ABHD2: variants seen among roughly 807,000 people sequenced by gnomAD.
ABHD2 encodes monoacylglycerol lipase ABHD2.
A neutral mutation model predicts 48.1 loss-of-function variants in ABHD2; 20 were observed. The ratio of observed to expected loss-of-function variants is 0.42; its 90% CI spans 0.29 to 0.60. The LOEUF (loss-of-function observed/expected upper bound fraction) is 0.60. Among genes scored for constraint, ABHD2 ranks in the 20% least tolerant of loss-of-function variants. The probability of loss-of-function intolerance (pLI) is 0.24; values close to 1 mark genes in which losing one functional copy is unlikely to be tolerated. For synonymous variants in ABHD2, 209 were observed against 214.2 expected (o/e 0.98, Z 0.21); for missense variants, 405 against 550.9 (o/e 0.74, Z 2.65).
At chr15:89,193,904 G>T (rs191040051) in intron 10 of ABHD2, among the ~76,000 whole-genome samples, 179 of 139,116 alleles carry the variant, frequency 1.3e-3, no homozygotes, top group African/African-American at 4.7e-3. Context: ...CTGGGTGACA[G>T]AGTGAGACTC....
upstream of ABHD2, among the ~76,000 whole-genome samples, chr15:89,086,102 A>T (rs1596048920): frequency 6.6e-6 from 1 of 151,778 alleles, no homozygotes; most frequent in African/African-American, 2.4e-5. Context: ...GTGCAATCTC[A>T]CTGCAGCCTC....
intron 3 of ABHD2, among the ~76,000 whole-genome samples, chr15:89,143,616 G>A (rs978859137): frequency 5.9e-5 from 9 of 151,702 alleles, no homozygotes; most frequent in African/African-American, 9.7e-5. Context: ...GCAGTGAGCC[G>A]AAATTGCACC....
chr15:89,157,296 A>G (rs2050690244), intron 5 of ABHD2, among the ~76,000 whole-genome samples: 1 of 152,234 alleles, frequency 6.6e-6, no homozygotes, highest in African/African-American at 2.4e-5. Context: ...ATATTTGTAC[A>G]TCTTGTCAGA....
At position 89,097,050 on chromosome 15, in the gene ABHD2, G is replaced by C. The variant is rs1427278897; in HGVS notation, c.-107+8487G>C. 6.6e-6 allele frequency among the ~76,000 whole-genome samples: 1 copy of C among 152,132 alleles called. No individual in the cohort carries two copies. The highest frequency in any genetic ancestry group is 1.5e-5 in the Non-Finnish European group (1 of 68,022). ...CAGCTGAAAGTTGGGGTGAGCTTGGGCCTTTGTGACTAGCAGGACTGTTTG... is the reference window on the plus strand; with the variant it reads ...CAGCTGAAAGTTGGGGTGAGCTTGGCCCTTTGTGACTAGCAGGACTGTTTG... On this transcript the variant is annotated intron_variant, in intron 1 of 10. Transcript: ENST00000352732. The surrounding 1 kb of genome is among the most constrained non-coding windows in gnomAD (Gnocchi z 4.2).
intron 5 of ABHD2, among the ~76,000 whole-genome samples, chr15:89,161,515 C>A (rs1307886865): frequency 6.6e-6 from 1 of 152,184 alleles, no homozygotes; most frequent in Non-Finnish European, 1.5e-5. Context: ...ATTCTCCTGC[C>A]TCAGCCTCCC....
the ABHD2 span, among the ~76,000 whole-genome samples, chr15:89,049,212 A>G: frequency 2.0e-5 from 3 of 152,200 alleles, no homozygotes; most frequent in African/African-American, 2.4e-5. Flanking sequence ...GAGGTCAGGC[A>G]TCAGGGACCC....
At chr15:89,143,061 A>C (rs75031807) in intron 3 of ABHD2, among the ~76,000 whole-genome samples, 9,091 of 152,138 alleles carry the variant, frequency 0.06, 924 homozygotes, top group African/African-American at 0.21. Context: ...TTTTCCATTT[A>C]AATTTACTAC....
At chr15:89,060,081 G>A in the ABHD2 span, among the ~76,000 whole-genome samples, 73 of 128,314 alleles carry the variant, frequency 5.7e-4, no homozygotes, top group South Asian at 6.7e-3. Context: ...CCACTCCAAG[G>A]CCTTTTTTTT....
At chr15:89,084,069 C>T (rs1042677202), upstream of ABHD2, among the ~76,000 whole-genome samples, 7 of 152,256 alleles carry the variant, frequency 4.6e-5, no homozygotes, top group East Asian at 9.6e-4. This position sits in a 1 kb window ranked among gnomAD's most constrained non-coding sequence, Gnocchi z 4.4. Context: ...TTCTCTTAGC[C>T]TCATCCTTTC....
chr15:89,178,601 C>A (rs751771155), intron 6 of ABHD2, among the ~76,000 whole-genome samples: 12 of 152,246 alleles, frequency 7.9e-5, no homozygotes, highest in Non-Finnish European at 1.6e-4. Context: ...GAGAAGCCAG[C>A]CACCCGCTTG....
upstream of ABHD2, among the ~76,000 whole-genome samples, chr15:89,084,202 G>A (rs1596048480): frequency 3.0e-5 from 3 of 99,554 alleles, no homozygotes; most frequent in South Asian, 1.2e-3. This position sits in a 1 kb window ranked among gnomAD's most constrained non-coding sequence, Gnocchi z 4.4. Flanking sequence ...GTGAGATTTT[G>A]CTAGTGTAAA....
the ABHD2 span, among the ~76,000 whole-genome samples, chr15:89,079,215 C>T: frequency 2.6e-5 from 4 of 152,200 alleles, no homozygotes; most frequent in African/African-American, 2.4e-5. The surrounding 1 kb of genome is among the most constrained non-coding windows in gnomAD (Gnocchi z 4.3). Flanking sequence ...TTCCTCTACC[C>T]GCCCCTTTCA....
chr15:89,157,760 G>A (rs1265186509), intron 5 of ABHD2, among the ~76,000 whole-genome samples: 12 of 151,896 alleles, frequency 7.9e-5, no homozygotes, highest in Non-Finnish European at 8.8e-5. Context: ...GGAGAATGGC[G>A]TGAACCTGGG....
At chr15:89,088,145 C>T (rs538993802), upstream of ABHD2, 1 of 152,522 alleles carries the variant, frequency 6.6e-6, no homozygotes, top group African/African-American at 2.4e-5. This position sits in a 1 kb window ranked among gnomAD's most constrained non-coding sequence, Gnocchi z 6.8. Context: ...CACGACCCAC[C>T]TTCTAGCCCT....
chr15:89,130,426 C>T (rs1038725721), intron 3 of ABHD2, among the ~76,000 whole-genome samples: 1 of 152,184 alleles, frequency 6.6e-6, no homozygotes, highest in Non-Finnish European at 1.5e-5. Flanking sequence ...GGCACTTGGT[C>T]ATTTCCTTTC....
In ABHD2 at chr15:89,188,417, G is replaced by GT. The variant is rs1567111991; in HGVS notation, c.926+121dup. Reference sequence around the variant, plus strand: ...CTCTGCCTACTTGAGTGTTAAGGGTGTTTTTTTCCCTTTAAGTAAGTGTCT... The same window carrying GT: ...CTCTGCCTACTTGAGTGTTAAGGGTGTTTTTTTTCCCTTTAAGTAAGTGTCT... On this transcript the variant is annotated intron_variant, in intron 8 of 10. Coordinates refer to ENST00000352732, the MANE Select transcript of ABHD2 (RefSeq NM_152924.5). This position sits in a 1 kb window ranked among gnomAD's most constrained non-coding sequence, Gnocchi z 4.1. 1.2e-5 allele frequency: 10 copies of GT among 821,230 alleles called. No individual in the cohort carries two copies. The South Asian group carries it at 1.2e-4, about 10-fold the overall frequency. 50.9% of individuals were successfully genotyped at this position (821,230 alleles called of 1,614,324 possible). A position where few individuals can be genotyped will look rare whatever the true frequency, so the allele number is the denominator to read the frequency against.
chr15:89,155,326 C>A lies in ABHD2; in HGVS notation c.371-41C>A. On this transcript the variant is annotated intron_variant, in intron 4 of 10. Transcript: ENST00000352732. This position sits in a 1 kb window ranked among gnomAD's most constrained non-coding sequence, Gnocchi z 4.9. The stretch of plus-strand genomic sequence containing the variant: ...GTAATTATGTCCATTTATCATGTCA[C>A]ATTTCTTGGATACATCAGGATCTCT... The A allele has an allele frequency of 6.3e-7, 1 of 1,585,072 alleles. No homozygotes were observed. The highest frequency in any genetic ancestry group is 8.6e-7 in the Non-Finnish European group (1 of 1,157,788).
the ABHD2 span, among the ~76,000 whole-genome samples, chr15:89,056,428 G>T: frequency 3.3e-5 from 5 of 152,040 alleles, no homozygotes; most frequent in Admixed American, 3.3e-4. Flanking sequence ...TTCAGGCACC[G>T]GGCACAGATC....
chr15:89,047,623 G>T, the ABHD2 span, among the ~76,000 whole-genome samples: 7 of 150,866 alleles, frequency 4.6e-5, no homozygotes, highest in Admixed American at 4.6e-4. Flanking sequence ...AGCTCTTCTT[G>T]TTGAATTGAT....
Sources: allele counts gnomAD v4.1 joint callset (sites outside exome capture counted in the v4.1 genomes callset), GRCh38; gene constraint gnomAD v4.1.1; non-coding constraint Gnocchi (gnomAD v3.1); transcripts MANE v1.5; gene names NCBI Gene and HGNC (gene_info 2026-07-23, HGNC 2026-07-21).